The following ERBB4 variants were observed in gnomAD, a reference collection of about 807,000 sequenced individuals.
ERBB4 encodes receptor tyrosine-protein kinase erbB-4.
A neutral mutation model predicts 158.0 loss-of-function variants in ERBB4; 42 were observed. That is an observed-to-expected ratio of 0.27 (90% CI 0.21 to 0.34). ERBB4 has a LOEUF of 0.34. Among genes scored for constraint, ERBB4 ranks in the 10% least tolerant of loss-of-function variants. The pLI, the probability that ERBB4 is intolerant of heterozygous loss-of-function variation, is 1.00. For synonymous variants in ERBB4, 583 were observed against 558.7 expected, an observed-to-expected ratio of 1.04 and a Z score of -0.61; for missense variants, 1,333 against 1,624.1, an observed-to-expected ratio of 0.82 and a Z score of 3.08.
intron 20 of ERBB4, among the ~76,000 whole-genome samples, chr2:211,443,099 C>CTCTT (rs1373036311): frequency 6.6e-6 from 1 of 152,036 alleles, no homozygotes; most frequent in East Asian, 1.9e-4. Flanking sequence ...ATCCTTTCAT[C>CTCTT]TCTTTCTACT....
At chr2:212,315,024 C>T (rs10497970) in intron 1 of ERBB4, among the ~76,000 whole-genome samples, 23,670 of 151,048 alleles carry the variant, frequency 0.16, 1,990 homozygotes, top group South Asian at 0.24. Context: ...TTTGAGATTA[C>T]TGAAGTCATG....
chr2:211,378,900 T>A lies in ERBB4; in HGVS notation c.*4715A>T, dbSNP rs1278469883. ...ATTTATCTGTTTCTTTTTTTTTTTT[T>A]AACAACTAGAAGCTGATGTTGTAGG... On this transcript the variant is annotated 3_prime_UTR_variant, in exon 28 of 28. Coordinates refer to ENST00000342788, the MANE Select transcript of ERBB4 (RefSeq NM_005235.3). 1 of 212,598 alleles carries A rather than the reference T, an allele frequency of 4.7e-6. No individual in the cohort carries two copies. The highest frequency in any genetic ancestry group is 2.5e-5 in the African/African-American group (1 of 40,394). 13.2% of individuals were successfully genotyped at this position (212,598 alleles called of 1,614,324 possible).
intron 7 of ERBB4, among the ~76,000 whole-genome samples, chr2:211,719,583 C>T (rs190564077): frequency 9.9e-4 from 151 of 152,154 alleles, no homozygotes; most frequent in African/African-American, 2.8e-3. Flanking sequence ...TGGCCAGGTG[C>T]GGTGGGTCAC....
intron 16 of ERBB4, among the ~76,000 whole-genome samples, chr2:211,643,641 T>A (rs561072295): frequency 6.6e-6 from 1 of 152,230 alleles, no homozygotes; most frequent in East Asian, 1.9e-4. Context: ...TCCTTTCTTG[T>A]TAACACTTAC....
chr2:211,492,856 T>A (rs1436585682), intron 20 of ERBB4, among the ~76,000 whole-genome samples: 1 of 152,108 alleles, frequency 6.6e-6, no homozygotes, highest in Non-Finnish European at 1.5e-5. Context: ...GCTGGCTTCT[T>A]TGGTTCTGAT....
chr2:211,775,508 G>A (rs1266756392), intron 4 of ERBB4, among the ~76,000 whole-genome samples: 1 of 152,128 alleles, frequency 6.6e-6, no homozygotes, highest in East Asian at 1.9e-4. Flanking sequence ...CAAGGTTTGG[G>A]GCTAGAGTTA....
intron 20 of ERBB4, among the ~76,000 whole-genome samples, chr2:211,529,918 T>TC (rs1400454821): frequency 6.6e-6 from 1 of 152,064 alleles, no homozygotes; most frequent in African/African-American, 2.4e-5. Flanking sequence ...AAAGCCTTTT[T>TC]CTCTAAGATT....
chr2:211,846,348 T>C (rs2077588922), intron 3 of ERBB4, among the ~76,000 whole-genome samples: 1 of 152,172 alleles, frequency 6.6e-6, no homozygotes, highest in Non-Finnish European at 1.5e-5. Flanking sequence ...ATGCTTAAAA[T>C]GCAATTACAT....
chr2:211,595,371 G>GA (rs947914460), intron 19 of ERBB4, among the ~76,000 whole-genome samples: 13 of 151,600 alleles, frequency 8.6e-5, no homozygotes, highest in Non-Finnish European at 1.3e-4. Flanking sequence ...AGATGTACTA[G>GA]AAAAAAATCA....
chr2:212,233,319 G>A (rs778562608), intron 1 of ERBB4, among the ~76,000 whole-genome samples: 41 of 152,066 alleles, frequency 2.7e-4, no homozygotes, highest in Non-Finnish European at 5.7e-4. Context: ...TATGTGGTGA[G>A]GTAGGTAGGA....
chr2:212,366,000 C>T (rs572005362), intron 1 of ERBB4, among the ~76,000 whole-genome samples: 3 of 151,856 alleles, frequency 2.0e-5, no homozygotes, highest in Admixed American at 1.3e-4. Context: ...AGGAATATAG[C>T]AGATAAATAC....
At chr2:212,471,136 C>T (rs1434668922) in intron 1 of ERBB4, among the ~76,000 whole-genome samples, 1 of 152,022 alleles carries the variant, frequency 6.6e-6, no homozygotes, top group Non-Finnish European at 1.5e-5. Flanking sequence ...AGACATATTT[C>T]ACAAAGAAAA....
intron 1 of ERBB4, among the ~76,000 whole-genome samples, chr2:212,176,812 G>A (rs573394293): frequency 9.4e-4 from 142 of 151,764 alleles, no homozygotes; most frequent in Middle Eastern, 3.4e-3. Context: ...TGTATACTTC[G>A]ACCAAACTAC....
intron 4 of ERBB4, among the ~76,000 whole-genome samples, chr2:211,756,691 A>G (rs979278608): frequency 2.6e-5 from 4 of 152,222 alleles, no homozygotes; most frequent in Admixed American, 1.3e-4. Context: ...AGGTACAGGA[A>G]TCCCTAGTTT....
chr2:211,454,725 G>A (rs986079833), intron 20 of ERBB4, among the ~76,000 whole-genome samples: 1 of 152,164 alleles, frequency 6.6e-6, no homozygotes, highest in African/African-American at 2.4e-5. Context: ...TGGGATGATT[G>A]TAATTGATGT....
chr2:211,522,898 T>C (rs940319252), intron 20 of ERBB4, among the ~76,000 whole-genome samples: 2 of 152,024 alleles, frequency 1.3e-5, no homozygotes, highest in African/African-American at 4.8e-5. Context: ...TGACTTGCTT[T>C]ATTACAGCAT....
At chr2:212,342,722 C>G (rs1483861251) in intron 1 of ERBB4, among the ~76,000 whole-genome samples, 1 of 152,124 alleles carries the variant, frequency 6.6e-6, no homozygotes, top group Non-Finnish European at 1.5e-5. Flanking sequence ...GCATTATACT[C>G]CATTTTTTAC....
intron 2 of ERBB4, among the ~76,000 whole-genome samples, chr2:212,083,878 CTT>C (rs1559466509): frequency 6.8e-6 from 1 of 148,112 alleles, no homozygotes; most frequent in Non-Finnish European, 1.5e-5. Flanking sequence ...TATAGAGTGA[CTT>C]TATACATTCA....
At chr2:211,940,012 T>C (rs184399130) in intron 3 of ERBB4, among the ~76,000 whole-genome samples, 1 of 147,872 alleles carries the variant, frequency 6.8e-6, no homozygotes, top group East Asian at 1.9e-4. Flanking sequence ...TAGATAGAGA[T>C]AGATATAGAT....
Sources: gnomAD v4.1 joint callset for allele counts (sites outside exome capture counted in the v4.1 genomes callset) on GRCh38, gnomAD v4.1.1 for gene constraint, MANE v1.5 for transcripts, NCBI Gene and HGNC (gene_info 2026-07-23, HGNC 2026-07-21) for gene names.